Variants in KCTD8 observed in about 807,000 individuals in gnomAD.
KCTD8 encodes the protein BTB/POZ domain-containing protein KCTD8.
A neutral mutation model predicts 31.5 loss-of-function variants in KCTD8; 27 were observed. That is an observed-to-expected ratio of 0.86 (90% CI 0.63 to 1.18). The LOEUF (loss-of-function observed/expected upper bound fraction) is 1.18, where lower values mean the gene tolerates loss of function less well. Among genes scored for constraint, KCTD8 ranks in the 50% most tolerant of loss-of-function variants. KCTD8 has a pLI of 0.00. For synonymous variants in KCTD8, 290 were observed against 280.0 expected (o/e 1.04, Z -0.36); for missense variants, 658 against 647.7 (o/e 1.02, Z -0.17).
At chr4:44,406,760 G>A (rs943138439) in intron 1 of KCTD8, among the ~76,000 whole-genome samples, 2 of 151,926 alleles carry the variant, frequency 1.3e-5, no homozygotes, top group African/African-American at 4.8e-5. Flanking sequence ...TAACATTTTG[G>A]GGAAAAAAAC....
At chr4:44,283,479 A>C (rs1716958269) in intron 1 of KCTD8, among the ~76,000 whole-genome samples, 2 of 152,156 alleles carry the variant, frequency 1.3e-5, no homozygotes, top group Admixed American at 6.5e-5. Context: ...GGTCTAATGC[A>C]GCTTATGATT....
chr4:44,416,289 C>T (rs1440210814), intron 1 of KCTD8, among the ~76,000 whole-genome samples: 2 of 152,134 alleles, frequency 1.3e-5, no homozygotes, highest in African/African-American at 4.8e-5. Context: ...TTTGATTTTA[C>T]AGGCACAGAG....
chr4:44,322,347 A>C (rs949290716), intron 1 of KCTD8, among the ~76,000 whole-genome samples: 2 of 151,948 alleles, frequency 1.3e-5, no homozygotes, highest in Non-Finnish European at 2.9e-5. Context: ...GTGGTGATTA[A>C]TGATGTTGAG....
intron 1 of KCTD8, among the ~76,000 whole-genome samples, chr4:44,265,463 G>A (rs111250695): frequency 1.8e-4 from 27 of 152,182 alleles, no homozygotes; most frequent in East Asian, 9.7e-4. Flanking sequence ...CAGAAAAACC[G>A]GAAACTCTAA....
chr4:44,225,039 CT>C (rs1714916200), intron 1 of KCTD8, among the ~76,000 whole-genome samples: 1 of 152,200 alleles, frequency 6.6e-6, no homozygotes, highest in Non-Finnish European at 1.5e-5. Context: ...TAAGCATCTA[CT>C]CCCCAACAGC....
At chr4:44,187,871 C>T (rs1713634233) in intron 1 of KCTD8, among the ~76,000 whole-genome samples, 1 of 151,868 alleles carries the variant, frequency 6.6e-6, no homozygotes, top group Admixed American at 6.6e-5. Flanking sequence ...ATTATTGTCG[C>T]CTGTTATGCA....
intron 1 of KCTD8, among the ~76,000 whole-genome samples, chr4:44,346,760 A>G (rs1489077235): frequency 6.6e-5 from 10 of 152,158 alleles, no homozygotes; most frequent in Non-Finnish European, 1.5e-4. Context: ...TCATTTATAG[A>G]GCTTGTGCTC....
At chr4:44,215,725 AT>A (rs1560396999) in intron 1 of KCTD8, among the ~76,000 whole-genome samples, 1 of 152,200 alleles carries the variant, frequency 6.6e-6, no homozygotes, top group Non-Finnish European at 1.5e-5. Flanking sequence ...CAGAGATTTA[AT>A]GAATCCAAAA....
At chr4:44,335,110 T>C (rs1718690675) in intron 1 of KCTD8, among the ~76,000 whole-genome samples, 2 of 152,074 alleles carry the variant, frequency 1.3e-5, no homozygotes, top group South Asian at 2.1e-4. Context: ...AAAGTTAGGA[T>C]GAAAAGTTAC....
At chr4:44,297,423 C>T in intron 1 of KCTD8, among the ~76,000 whole-genome samples, 1 of 152,022 alleles carries the variant, frequency 6.6e-6, no homozygotes, top group East Asian at 1.9e-4. Flanking sequence ...TAGATATCTA[C>T]ATTTAACATA....
chr4:44,204,161 A>G (rs1577828998), intron 1 of KCTD8, among the ~76,000 whole-genome samples: 1 of 152,144 alleles, frequency 6.6e-6, no homozygotes, highest in Admixed American at 6.5e-5. Flanking sequence ...AATGATTTAA[A>G]TTTTAAAAAT....
intron 1 of KCTD8, among the ~76,000 whole-genome samples, chr4:44,350,463 A>T (rs1181007139): frequency 6.6e-6 from 1 of 152,174 alleles, no homozygotes; most frequent in Non-Finnish European, 1.5e-5. Context: ...GTGGGTCATT[A>T]AGTCAAAGTC....
chr4:44,407,395 T>C lies in KCTD8; in HGVS notation c.961+40168A>G, dbSNP rs540483545. ...TTTTCTTTTCTCTTTTTTTCTTTTTTTTTTTTTTGGAGATACAGTTTCACT... is the reference window on the plus strand; with the variant it reads ...TTTTCTTTTCTCTTTTTTTCTTTTTCTTTTTTTTGGAGATACAGTTTCACT... On this transcript the variant is annotated intron_variant, in intron 1 of 1. Transcript: ENST00000360029. Among the ~76,000 whole-genome samples, 5 of 151,740 alleles carry C rather than the reference T, an allele frequency of 3.3e-5. 1 individual carries two copies. The South Asian group carries it at 1.0e-3, about 32-fold the overall frequency.
chr4:44,252,736 T>C (rs1295633478), intron 1 of KCTD8, among the ~76,000 whole-genome samples: 1 of 151,788 alleles, frequency 6.6e-6, no homozygotes, highest in Non-Finnish European at 1.5e-5. Flanking sequence ...CTTGGATTGA[T>C]GTTGCTAATA....
intron 1 of KCTD8, among the ~76,000 whole-genome samples, chr4:44,379,858 A>C (rs750784190): frequency 9.9e-5 from 15 of 152,144 alleles, no homozygotes; most frequent in Non-Finnish European, 1.6e-4. Context: ...GACCTGACTT[A>C]TATTTTAAAA....
At chr4:44,210,266 A>G (rs1714443623) in intron 1 of KCTD8, among the ~76,000 whole-genome samples, 1 of 152,186 alleles carries the variant, frequency 6.6e-6, no homozygotes, top group African/African-American at 2.4e-5. Flanking sequence ...TATTACAGTA[A>G]TCAGCTTTCC....
At chr4:44,411,851 T>C (rs115791243) in intron 1 of KCTD8, among the ~76,000 whole-genome samples, 1 of 152,072 alleles carries the variant, frequency 6.6e-6, no homozygotes, top group South Asian at 2.1e-4. Context: ...GGAAGAGGCA[T>C]GGAAGGATTC....
chr4:44,221,124 A>G (rs1714794178), intron 1 of KCTD8, among the ~76,000 whole-genome samples: 1 of 152,194 alleles, frequency 6.6e-6, no homozygotes, highest in South Asian at 2.1e-4. Flanking sequence ...AGCATTTATC[A>G]ACTTATTGTC....
At chr4:44,265,353 TAACA>T (rs1480926948) in intron 1 of KCTD8, among the ~76,000 whole-genome samples, 1 of 152,028 alleles carries the variant, frequency 6.6e-6, no homozygotes. Flanking sequence ...GAAGGAAAAC[TAACA>T]AACAGAAAGG....
Sources: allele counts gnomAD v4.1 joint callset (sites outside exome capture counted in the v4.1 genomes callset), GRCh38; gene constraint gnomAD v4.1.1; transcripts MANE v1.5; gene names NCBI Gene and HGNC (gene_info 2026-07-23, HGNC 2026-07-21).